MAP3K2: variants seen among roughly 807,000 people sequenced by gnomAD.
The protein encoded by MAP3K2 is mitogen-activated protein kinase kinase kinase 2, also known as MAP/ERK kinase kinase 2.
MAP3K2 carries 24 observed loss-of-function variants against 80.3 expected under a neutral mutation model. The observed-to-expected ratio is 0.30, with a 90% confidence interval of 0.22 to 0.42. The LOEUF is 0.42. MAP3K2 is among the 10% of genes least tolerant of loss of function. MAP3K2 has a pLI of 1.00. For missense variants in MAP3K2, 608 were observed against 750.1 expected (o/e 0.81, Z 2.21); for synonymous variants, 244 against 253.7 (o/e 0.96, Z 0.36).
Position 127,303,919 on chromosome 2 carries a change from A to G in MAP3K2, c.*3660T>C, listed in dbSNP as rs138117399. On this transcript the variant is annotated 3_prime_UTR_variant, in exon 17 of 17. Transcript: ENST00000682094. ...TTTTCTAAGTGATTTCACATATCTT[A>G]TAACAACTCCATGTCAGAAATACTA... is the stretch of plus-strand genomic sequence containing the variant. 356 of 152,298 alleles carry G rather than the reference A, an allele frequency of 2.3e-3. 1 individual carries two copies. Among genetic ancestry groups the G allele is most frequent in the African/African-American group, 7.7e-3 (322 of 41,570 alleles). The allele number at this position is 152,298 out of a possible 1,614,324, so 9.4% of individuals were successfully genotyped here. A position where few individuals can be genotyped will look rare whatever the true frequency, so the allele number is the denominator to read the frequency against.
chr2:127,319,273 G>A (rs1404854328), intron 12 of MAP3K2, among the ~76,000 whole-genome samples: 1 of 151,290 alleles, frequency 6.6e-6, no homozygotes, highest in East Asian at 1.9e-4. Context: ...CTGAGAGAGA[G>A]GCTGAGGCTG....
chr2:127,325,022 T>C (rs1686103787), intron 9 of MAP3K2, among the ~76,000 whole-genome samples: 1 of 152,220 alleles, frequency 6.6e-6, no homozygotes, highest in African/African-American at 2.4e-5. Context: ...AGAATGAACA[T>C]AATCCTGAAC....
intron 1 of MAP3K2, among the ~76,000 whole-genome samples, chr2:127,368,778 AT>A (rs889336807): frequency 1.8e-4 from 27 of 149,208 alleles, no homozygotes; most frequent in Admixed American, 9.4e-4. Flanking sequence ...TTAAATTTGT[AT>A]TTTTTTTTTC....
At chr2:127,342,561 G>C (rs1169671468) in intron 2 of MAP3K2, among the ~76,000 whole-genome samples, 1 of 152,106 alleles carries the variant, frequency 6.6e-6, no homozygotes, top group Non-Finnish European at 1.5e-5. Context: ...TCTTGATTTA[G>C]GATAGGGTGG....
chr2:127,361,009 A>G (rs1447579444), intron 1 of MAP3K2, among the ~76,000 whole-genome samples: 7 of 152,014 alleles, frequency 4.6e-5, no homozygotes, highest in Admixed American at 3.9e-4. Flanking sequence ...CATTTACTCA[A>G]AACCATATAA....
chr2:127,369,051 G>A (rs1047856135), intron 1 of MAP3K2, among the ~76,000 whole-genome samples: 1 of 151,804 alleles, frequency 6.6e-6, no homozygotes, highest in African/African-American at 2.4e-5. Flanking sequence ...TGGTTCATGC[G>A]ATTCCCCTGC....
At chr2:127,349,968 G>C (rs897447733) in intron 1 of MAP3K2, among the ~76,000 whole-genome samples, 1 of 151,964 alleles carries the variant, frequency 6.6e-6, no homozygotes, top group Non-Finnish European at 1.5e-5. Flanking sequence ...TCAATCTCCC[G>C]GGCTTAAGCA....
intron 1 of MAP3K2, among the ~76,000 whole-genome samples, chr2:127,353,271 C>A (rs1303757098): frequency 1.3e-5 from 2 of 152,042 alleles, no homozygotes; most frequent in Non-Finnish European, 2.9e-5. Context: ...TCTGCCCGGC[C>A]GCCCATCGTC....
Position 127,299,790 on chromosome 2 carries a change from A to G in MAP3K2, c.*7789T>C, listed in dbSNP as rs376964248. ...AAAAATACTTTTGATCAGCCAGCTGAAAATATATTCATATAGTAAATAATC... is the reference window on the plus strand; with the variant it reads ...AAAAATACTTTTGATCAGCCAGCTGGAAATATATTCATATAGTAAATAATC... On this transcript the variant is annotated 3_prime_UTR_variant, in exon 17 of 17. Coordinates refer to ENST00000682094, the MANE Select transcript of MAP3K2 (RefSeq NM_001371910.2). 1.7e-4 allele frequency: 26 copies of G among 152,268 alleles called. No homozygotes were observed. Among genetic ancestry groups the G allele is most frequent in the African/African-American group, 5.5e-4 (23 of 41,572 alleles). 9.4% of individuals were successfully genotyped at this position (152,268 alleles called of 1,614,324 possible).
In MAP3K2 at chr2:127,306,876, T is replaced by TGTG. The variant is rs1685711652; in HGVS notation, c.*702_*703insCAC. On this transcript the variant is annotated 3_prime_UTR_variant, in exon 17 of 17. Transcript: ENST00000682094. This position sits in a 1 kb window ranked among gnomAD's most constrained non-coding sequence, Gnocchi z 4.7. ...TGTGTGTGTGTGTGTGTGTGTGTGT[T>TGTG]TTTAAGCAGAAAGCTATCCCTCAAG... 2 of 147,096 alleles carry TGTG rather than the reference T, an allele frequency of 1.4e-5. No individual in the cohort carries two copies. Among genetic ancestry groups the TGTG allele is most frequent in the Non-Finnish European group, 3.0e-5 (2 of 67,104 alleles). The allele number at this position is 147,096 out of a possible 1,614,324, so 9.1% of individuals were successfully genotyped here. A position where few individuals can be genotyped will look rare whatever the true frequency, so the allele number is the denominator to read the frequency against.
intron 5 of MAP3K2, among the ~76,000 whole-genome samples, 171 bp from the exon 6 acceptor site, chr2:127,330,676 G>A (rs1321911421): frequency 2.0e-5 from 3 of 151,956 alleles, no homozygotes; most frequent in Non-Finnish European, 2.9e-5. Flanking sequence ...TCATTCTACC[G>A]CCACTAAAAT....
chr2:127,306,669 C>A lies in MAP3K2; in HGVS notation c.*910G>T, dbSNP rs1330543485. 6.6e-6 allele frequency: 1 copy of A among 152,100 alleles called. No homozygotes were observed. The highest frequency in any genetic ancestry group is 1.5e-5 in the Non-Finnish European group (1 of 68,004). 9.4% of individuals were successfully genotyped at this position (152,100 alleles called of 1,614,324 possible). ...CTCCATTCCTTTAATTTTGGGACGT[C>A]CCCCTCAAGTAAAACAAAACAAAAC... On this transcript the variant is annotated 3_prime_UTR_variant, in exon 17 of 17. Transcript: ENST00000682094. This position sits in a 1 kb window ranked among gnomAD's most constrained non-coding sequence, Gnocchi z 4.7.
At chr2:127,384,393 A>G (rs1687308540) in intron 1 of MAP3K2, among the ~76,000 whole-genome samples, 1 of 152,172 alleles carries the variant, frequency 6.6e-6, no homozygotes, top group Admixed American at 6.5e-5. Context: ...GACAGATCTG[A>G]GCAAAGTAAA....
At chr2:127,373,181 C>G (rs190348007) in intron 1 of MAP3K2, among the ~76,000 whole-genome samples, 12 of 152,268 alleles carry the variant, frequency 7.9e-5, no homozygotes, top group African/African-American at 2.9e-4. Context: ...GGCTTTCTCC[C>G]CAGTAGAAAA....
chr2:127,349,635 T>C (rs557280320), intron 1 of MAP3K2, among the ~76,000 whole-genome samples: 1 of 152,282 alleles, frequency 6.6e-6, no homozygotes, highest in African/African-American at 2.4e-5. Flanking sequence ...AAAAAGATAA[T>C]ATAACTTATA....
intron 1 of MAP3K2, among the ~76,000 whole-genome samples, chr2:127,348,330 G>C (rs1686633973): frequency 6.6e-6 from 1 of 152,110 alleles, no homozygotes; most frequent in Admixed American, 6.5e-5. Context: ...AGATGTTGCA[G>C]TGAGCCCACA....
intron 1 of MAP3K2, among the ~76,000 whole-genome samples, chr2:127,352,952 C>T (rs574971060): frequency 4.7e-4 from 72 of 152,258 alleles, no homozygotes; most frequent in African/African-American, 1.6e-3. Flanking sequence ...CCGCCAGCCT[C>T]GGCCTCCCAA....
intron 1 of MAP3K2, among the ~76,000 whole-genome samples, chr2:127,386,023 AAATC>A (rs765701366): frequency 2.6e-5 from 4 of 152,254 alleles, no homozygotes; most frequent in Non-Finnish European, 5.9e-5. Flanking sequence ...ACCAAACAAC[AAATC>A]AATCTGTAAA....
At chr2:127,343,838 T>C (rs142542780) in intron 1 of MAP3K2, among the ~76,000 whole-genome samples, 2,092 of 151,730 alleles carry the variant, frequency 0.014, 47 homozygotes, top group African/African-American at 0.047. Flanking sequence ...TCCAACACGG[T>C]GAAACCCCAT....
Sources: gnomAD v4.1 joint callset for allele counts (sites outside exome capture counted in the v4.1 genomes callset) on GRCh38, gnomAD v4.1.1 for gene constraint, Gnocchi (gnomAD v3.1) non-coding constraint, MANE v1.5 for transcripts, NCBI Gene and HGNC (gene_info 2026-07-23, HGNC 2026-07-21) for gene names.